The following VEZT variants were observed in gnomAD, a reference collection of about 807,000 sequenced individuals.
VEZT encodes the protein vezatin, adherens junctions transmembrane protein.
Under a neutral mutation model 79.9 loss-of-function variants are expected in VEZT, and 39 were observed. The observed-to-expected ratio is 0.49, with a 90% CI of 0.38 to 0.64. The LOEUF (loss-of-function observed/expected upper bound fraction) is 0.64. Ranked by LOEUF, VEZT falls within the 30% of genes least tolerant of loss-of-function variation. VEZT has a pLI of 0.00. For missense variants in VEZT, 837 were observed against 893.1 expected (o/e 0.94, Z 0.80); for synonymous variants, 325 against 327.6 (o/e 0.99, Z 0.09).
Position 95,301,668 on chromosome 12 carries a change from A to C in VEZT, c.*995A>C, listed in dbSNP as rs2140025887. The C allele has an allele frequency of 6.6e-6, 1 of 152,380 alleles. No individual in the cohort carries two copies. Among genetic ancestry groups the C allele is most frequent in the East Asian group, 1.9e-4 (1 of 5,188 alleles). 9.4% of individuals were successfully genotyped at this position (152,380 alleles called of 1,614,324 possible). A position where few individuals can be genotyped will look rare whatever the true frequency, so the allele number is the denominator to read the frequency against. On this transcript the variant is annotated 3_prime_UTR_variant, in exon 12 of 12. Transcript: ENST00000436874. The stretch of plus-strand genomic sequence containing the variant: ...GCATTTTCAAAGAGTAATTATTTTC[A>C]GCATATACAGTTTTGAAACCTGTAG...
chr12:95,219,871 TTA>T (rs1347737355), intron 1 of VEZT, among the ~76,000 whole-genome samples: 1 of 152,270 alleles, frequency 6.6e-6, no homozygotes, highest in Non-Finnish European at 1.5e-5. Flanking sequence ...TTTTATGCAT[TTA>T]TACATTTATT....
chr12:95,246,549 ATTT>A (rs2061749725), intron 1 of VEZT, among the ~76,000 whole-genome samples: 1 of 152,168 alleles, frequency 6.6e-6, no homozygotes, highest in Non-Finnish European at 1.5e-5. Flanking sequence ...TTTCCTGTCT[ATTT>A]TTGTTTATTT....
rs141776438 is a variant in VEZT at position 95,250,913 on chromosome 12, T to C, written c.37-1027T>C. Among the ~76,000 whole-genome samples, 132 of 152,352 alleles carry C rather than the reference T, an allele frequency of 8.7e-4. 2 individuals are homozygous for C. Among genetic ancestry groups the C allele is most frequent in the African/African-American group, 3.1e-3 (129 of 41,578 alleles). ...TCTATGAACTAAGTGCTATTACTGCTATTTTTAGATGAGACAGCTGATGCA... is the reference window on the plus strand; with the variant it reads ...TCTATGAACTAAGTGCTATTACTGCCATTTTTAGATGAGACAGCTGATGCA... On this transcript the variant is annotated intron_variant, in intron 1 of 11. Coordinates refer to ENST00000436874, the MANE Select transcript of VEZT (RefSeq NM_017599.4).
chr12:95,259,503 T>C (rs561722444), intron 3 of VEZT, among the ~76,000 whole-genome samples: 1 of 152,222 alleles, frequency 6.6e-6, no homozygotes, highest in Non-Finnish European at 1.5e-5. Flanking sequence ...GCTACTGTTA[T>C]TATCCCACTT....
intron 6 of VEZT, 84 bp from the exon 7 acceptor site, chr12:95,274,658 T>C: frequency 7.9e-6 from 11 of 1,394,036 alleles, no homozygotes; most frequent in Non-Finnish European, 1.1e-5. Context: ...GAATAAAGAT[T>C]AGGGAATGTG....
chr12:95,235,566 A>G, intron 1 of VEZT, among the ~76,000 whole-genome samples: 1 of 129,942 alleles, frequency 7.7e-6, no homozygotes. Context: ...TCCCTCCCGG[A>G]CGGGGCGGCT....
At chr12:95,263,986 T>C (rs1331178441) in intron 4 of VEZT, among the ~76,000 whole-genome samples, 1 of 152,136 alleles carries the variant, frequency 6.6e-6, no homozygotes, top group Non-Finnish European at 1.5e-5. Context: ...ATATAAAAAA[T>C]TATTGATGTC....
At chr12:95,258,640 T>C (rs2063848551) in intron 3 of VEZT, among the ~76,000 whole-genome samples, 1 of 152,216 alleles carries the variant, frequency 6.6e-6, no homozygotes, top group Non-Finnish European at 1.5e-5. Flanking sequence ...CTGTGATATC[T>C]GAACATTTTA....
intron 10 of VEZT, 112 bp from the exon 11 acceptor site, chr12:95,295,939 A>G (rs2139847109): frequency 1.2e-6 from 1 of 808,120 alleles, no homozygotes; most frequent in Non-Finnish European, 1.9e-6. Flanking sequence ...GACCTGTGCC[A>G]AATGCAAGTC....
At chr12:95,273,241 A>G (rs1485634193) in intron 6 of VEZT, among the ~76,000 whole-genome samples, 1 of 150,368 alleles carries the variant, frequency 6.7e-6, no homozygotes, top group Non-Finnish European at 1.5e-5. Context: ...ATATTAAGTG[A>G]AAAAAAAACA....
In VEZT at chr12:95,287,773, C is replaced by A; in HGVS notation, c.1438C>A (p.Pro480Thr). Residue 480 changes from proline (P) to threonine (T), a missense_variant, in exon 9 of 12, where the codon CCC becomes ACC. Pro to Thr is a conservative substitution (Grantham distance 38). Transcript: ENST00000436874. ...AGAACAGAAATTAAAGTTGATTCAGCCCCACGTTCAAGCAAGCAACAATTG... is the reference window on the plus strand; with the variant it reads ...AGAACAGAAATTAAAGTTGATTCAGACCCACGTTCAAGCAAGCAACAATTG... ...ILEQKLKLIQ[P>T]HVQASNNCWE... 1 of 1,608,216 alleles carries A rather than the reference C, an allele frequency of 6.2e-7. No homozygotes were observed. The highest frequency in any genetic ancestry group is 8.5e-7 in the Non-Finnish European group (1 of 1,177,088).
At chr12:95,289,081 CAAAA>C (rs71078697) in intron 9 of VEZT, among the ~76,000 whole-genome samples, 25,289 of 122,720 alleles carry the variant, frequency 0.21, 3,276 homozygotes, top group East Asian at 0.28. Context: ...GACTCCGTCT[CAAAA>C]AAAAAAATAA....
chr12:95,274,608 T>C, intron 6 of VEZT, 134 bp from the exon 7 acceptor site: 1 of 813,436 alleles, frequency 1.2e-6, no homozygotes, highest in South Asian at 2.9e-5. Context: ...AATTAATTTG[T>C]GTTTAAAAAC....
intron 9 of VEZT, among the ~76,000 whole-genome samples, chr12:95,293,259 C>T (rs2073398236): frequency 6.6e-6 from 1 of 152,180 alleles, no homozygotes; most frequent in Non-Finnish European, 1.5e-5. Context: ...TTAGTGCTTC[C>T]TATTAATTTA....
At chr12:95,267,235 G>A (rs1172111420) in intron 5 of VEZT, among the ~76,000 whole-genome samples, 1 of 152,136 alleles carries the variant, frequency 6.6e-6, no homozygotes, top group African/African-American at 2.4e-5. Flanking sequence ...CATTTATTGA[G>A]CACCAACTAT....
At chr12:95,269,725 G>A (rs1172284052) in intron 5 of VEZT, 2 of 191,614 alleles carry the variant, frequency 1.0e-5, no homozygotes, top group African/African-American at 4.7e-5. Context: ...AAAAGATGTG[G>A]ATTCTTAATA....
At position 95,264,932 on chromosome 12, in the gene VEZT, G is replaced by T. The variant is rs2065238972; in HGVS notation, c.435-1425G>T. Among the ~76,000 whole-genome samples the T allele has an allele frequency of 4.1e-5, 6 of 147,208 alleles. No individual in the cohort carries two copies. In the South Asian group the frequency reaches 1.3e-3, roughly 32 times the overall value. Reference sequence around the variant, plus strand: ...TTGCCACCCAGGCTGGAGTGCAGTGGCATGATCTCGGCTTACTGCAGCCTG... The same window carrying T: ...TTGCCACCCAGGCTGGAGTGCAGTGTCATGATCTCGGCTTACTGCAGCCTG... On this transcript the variant is annotated intron_variant, in intron 4 of 11. Transcript: ENST00000436874.
chr12:95,253,292 A>G (rs1315165226), intron 2 of VEZT, among the ~76,000 whole-genome samples: 2 of 152,196 alleles, frequency 1.3e-5, no homozygotes, highest in Non-Finnish European at 2.9e-5. Flanking sequence ...TGGCAGAAGG[A>G]TCCTTTCCCC....
At chr12:95,265,638 C>T (rs1236591966) in intron 4 of VEZT, among the ~76,000 whole-genome samples, 4 of 151,300 alleles carry the variant, frequency 2.6e-5, no homozygotes, top group Admixed American at 2.6e-4. Context: ...TATTTATTAT[C>T]ATTTTTATTA....
Sources: allele counts gnomAD v4.1 joint callset (sites outside exome capture counted in the v4.1 genomes callset), GRCh38; gene constraint gnomAD v4.1.1; transcripts MANE v1.5; gene names NCBI Gene and HGNC (gene_info 2026-07-23, HGNC 2026-07-21).